LTBP2: variants seen among roughly 807,000 people sequenced by gnomAD.
The protein encoded by LTBP2 is latent-transforming growth factor beta-binding protein 2.
In LTBP2, 103 loss-of-function variants were observed where a neutral mutation model predicts 210.6. The ratio of observed to expected loss-of-function variants is 0.49; its 90% CI spans 0.42 to 0.58. The LOEUF (loss-of-function observed/expected upper bound fraction) is 0.58. Ranked by LOEUF, LTBP2 falls within the 20% of genes least tolerant of loss-of-function variation. LTBP2 has a pLI of 0.00. For synonymous variants in LTBP2, 1,007 were observed against 1,015.0 expected, an observed-to-expected ratio of 0.99 and a Z score of 0.15; for missense variants, 2,313 against 2,494.5, an observed-to-expected ratio of 0.93 and a Z score of 1.55.
At chr14:74,608,727 AAG>A (rs1555354441) in intron 1 of LTBP2, among the ~76,000 whole-genome samples, 1 of 139,992 alleles carries the variant, frequency 7.1e-6, no homozygotes, top group Admixed American at 7.4e-5. Flanking sequence ...AAAAAAAAAA[AAG>A]AAAAAAAGAA....
At chr14:74,518,656 A>G (rs773674574) in intron 17 of LTBP2, among the ~76,000 whole-genome samples, 6 of 152,252 alleles carry the variant, frequency 3.9e-5, no homozygotes, top group Admixed American at 6.5e-5. Context: ...AAGGAATTGA[A>G]TAATAACCAT....
At position 74,586,160 on chromosome 14, in the gene LTBP2, C is replaced by A; in HGVS notation, c.566-42G>T. On this transcript the variant is annotated intron_variant, in intron 2 of 35. Transcript: ENST00000261978. This position sits in a 1 kb window ranked among gnomAD's most constrained non-coding sequence, Gnocchi z 4.6. ...AGAGGTGACAGCAGTGGCCATAGGGCACTGAGACCACAGCTGCCCACACCT... is the reference window on the plus strand; with the variant it reads ...AGAGGTGACAGCAGTGGCCATAGGGAACTGAGACCACAGCTGCCCACACCT... 6.4e-7 allele frequency: 1 copy of A among 1,564,628 alleles called. No homozygotes were observed.
At chr14:74,609,009 C>G (rs1042023847) in intron 1 of LTBP2, among the ~76,000 whole-genome samples, 1 of 152,158 alleles carries the variant, frequency 6.6e-6, no homozygotes, top group Non-Finnish European at 1.5e-5. Flanking sequence ...AAATATTTGT[C>G]GAATGAATGA....
At chr14:74,547,194 A>T (rs777204404) in intron 8 of LTBP2, among the ~76,000 whole-genome samples, 13 of 152,190 alleles carry the variant, frequency 8.5e-5, no homozygotes, top group Non-Finnish European at 1.6e-4. Context: ...CATTTTCACT[A>T]ATGTCACCTG....
chr14:74,503,174 G>A (rs748898721), intron 33 of LTBP2, 45 bp downstream of exon 33: 1 of 1,607,594 alleles, frequency 6.2e-7, no homozygotes, highest in Non-Finnish European at 8.5e-7. Flanking sequence ...CCCCTCCCTG[G>A]GGCCTGGCCC....
At chr14:74,506,238 TG>T (rs2086982319) in intron 27 of LTBP2, 47 bp from the exon 28 acceptor site, 1 of 1,613,220 alleles carries the variant, frequency 6.2e-7, no homozygotes. Flanking sequence ...AGGCAGCCCG[TG>T]CCCCCTGCCC....
At chr14:74,535,880 T>C in intron 9 of LTBP2, 46 bp downstream of exon 9, 1 of 1,527,494 alleles carries the variant, frequency 6.5e-7, no homozygotes, top group East Asian at 2.2e-5. Context: ...GTGCTGGGAG[T>C]GTGCCCCGGC....
At chr14:74,543,692 T>C (rs1250933686) in intron 8 of LTBP2, among the ~76,000 whole-genome samples, 1 of 152,126 alleles carries the variant, frequency 6.6e-6, no homozygotes, top group Non-Finnish European at 1.5e-5. Context: ...AGATGATAAG[T>C]CCCTCTTCAT....
intron 18 of LTBP2, among the ~76,000 whole-genome samples, chr14:74,513,298 G>A (rs1309958700): frequency 6.6e-6 from 1 of 152,228 alleles, no homozygotes; most frequent in Admixed American, 6.5e-5. Flanking sequence ...GTGGTTGGGT[G>A]GAGCCATGAG....
At chr14:74,551,758 G>A (rs2087659742) in intron 6 of LTBP2, among the ~76,000 whole-genome samples, 1 of 152,174 alleles carries the variant, frequency 6.6e-6, no homozygotes, top group African/African-American at 2.4e-5. Context: ...CTGTCCCAGA[G>A]CACTCTGGGC....
chr14:74,559,982 T>G (rs2087773729), intron 3 of LTBP2: 1 of 152,142 alleles, frequency 6.6e-6, no homozygotes, highest in Admixed American at 6.6e-5. Flanking sequence ...GTTCCCAAAC[T>G]CACCCAGCAC....
In LTBP2 at chr14:74,550,833, T is replaced by C. The variant is rs934998; in HGVS notation, c.1686+231A>G. On this transcript the variant is annotated intron_variant, in intron 7 of 35. Transcript: ENST00000261978. ...CTCCAGAGGGGAACTTCCTTGGGTC[T>C]TCTTCTGTGTGCCTGGTATTGACAA... Among the ~76,000 whole-genome samples, 144,706 of 152,296 alleles carry C rather than the reference T, an allele frequency of 0.95. 69,043 individuals carry two copies. The highest frequency in any genetic ancestry group is 1 in the Non-Finnish European group (67,753 of 68,038).
At chr14:74,573,340 C>T (rs182488372) in intron 3 of LTBP2, among the ~76,000 whole-genome samples, 18 of 152,336 alleles carry the variant, frequency 1.2e-4, no homozygotes, top group Admixed American at 9.8e-4. Context: ...TGAAGATCTT[C>T]CACTTGCCCC....
chr14:74,518,521 G>A (rs1418132661), intron 17 of LTBP2, among the ~76,000 whole-genome samples: 2 of 152,030 alleles, frequency 1.3e-5, no homozygotes, highest in Admixed American at 6.6e-5. Context: ...CCAACCCAGC[G>A]TCCCCTGAGG....
At chr14:74,564,900 A>T (rs1434400385) in intron 3 of LTBP2, among the ~76,000 whole-genome samples, 1 of 152,142 alleles carries the variant, frequency 6.6e-6, no homozygotes, top group South Asian at 2.1e-4. Flanking sequence ...AAACCAGGTA[A>T]CTTCATCCTA....
intron 26 of LTBP2, 26 bp downstream of exon 26, chr14:74,507,153 C>T: frequency 6.2e-7 from 1 of 1,614,028 alleles, no homozygotes; most frequent in Non-Finnish European, 8.5e-7. Context: ...AGCCCTCTCT[C>T]CTCTCTCTCC....
At chr14:74,524,305 G>C (rs1046900851) in intron 15 of LTBP2, among the ~76,000 whole-genome samples, 1 of 152,130 alleles carries the variant, frequency 6.6e-6, no homozygotes, top group Non-Finnish European at 1.5e-5. Flanking sequence ...AGTGGGGTGT[G>C]CCTGGGAAGG....
Position 74,586,562 on chromosome 14 carries a change from C to T in LTBP2, c.566-444G>A, listed in dbSNP as rs1215448019. Among the ~76,000 whole-genome samples, 3 of 152,116 alleles carry T rather than the reference C, an allele frequency of 2.0e-5. No homozygotes were observed. The highest frequency in any genetic ancestry group is 2.9e-5 in the Non-Finnish European group (2 of 68,034). On this transcript the variant is annotated intron_variant, in intron 2 of 35. Coordinates refer to ENST00000261978, the MANE Select transcript of LTBP2 (RefSeq NM_000428.3). The surrounding 1 kb of genome is among the most constrained non-coding windows in gnomAD (Gnocchi z 4.6). ...TGGATGAATGAATCAGTCTCTTTTGCGGGAAAGGGCCCAACACTGGCCTGA... is the reference window on the plus strand; with the variant it reads ...TGGATGAATGAATCAGTCTCTTTTGTGGGAAAGGGCCCAACACTGGCCTGA...
intron 16 of LTBP2, among the ~76,000 whole-genome samples, chr14:74,522,573 G>C (rs2087220118): frequency 6.6e-6 from 1 of 152,034 alleles, no homozygotes; most frequent in Non-Finnish European, 1.5e-5. Flanking sequence ...TGTGCTCCTG[G>C]AGTCCTGGAG....
Sources: gnomAD v4.1 joint callset for allele counts (sites outside exome capture counted in the v4.1 genomes callset) on GRCh38, gnomAD v4.1.1 for gene constraint, Gnocchi (gnomAD v3.1) non-coding constraint, MANE v1.5 for transcripts, NCBI Gene and HGNC (gene_info 2026-07-23, HGNC 2026-07-21) for gene names.